SRA1: variants seen among roughly 807,000 people sequenced by gnomAD.
SRA1 encodes the protein lncRNA SRA.
A neutral mutation model predicts 24.3 loss-of-function variants in SRA1; 25 were observed. That is an observed-to-expected ratio of 1.03 (90% confidence interval 0.75 to 1.43). The LOEUF is 1.43. Ranked by LOEUF, SRA1 falls within the 40% of genes most tolerant of loss-of-function variation. The pLI is 0.00. For synonymous variants in SRA1, 104 were observed against 109.5 expected (o/e 0.95, Z 0.31); for missense variants, 303 against 286.6 (o/e 1.06, Z -0.41).
rs1754533924 is a variant in SRA1, at chr5:140,550,866, G to A, written c.509C>T (p.Ser170Phe). 6.2e-7 allele frequency: 1 copy of A among 1,614,078 alleles called. No homozygotes were observed. Reference sequence around the variant, plus strand: ...CTCAGTCACATGGTCAACCATGAGGGAGCGGTGGATGTCATCTGCTGCGTC... The same window carrying A: ...CTCAGTCACATGGTCAACCATGAGGAAGCGGTGGATGTCATCTGCTGCGTC... ...RWDAADDIHRSLMVDHVTEVS... is the reference protein window; with the variant it reads ...RWDAADDIHRFLMVDHVTEVS... Residue 170 changes from serine to phenylalanine, a missense_variant, in exon 5 of 5, where the codon TCC (serine) becomes TTC (phenylalanine). Transcript: ENST00000336283.
chr5:140,552,691 T>G, intron 2 of SRA1, among the ~76,000 whole-genome samples: 1 of 149,684 alleles, frequency 6.7e-6, no homozygotes. Context: ...AAACCAGGCC[T>G]GGGCACAGTG....
chr5:140,554,972 A>G (rs1219712778), intron 2 of SRA1, among the ~76,000 whole-genome samples: 1 of 151,272 alleles, frequency 6.6e-6, no homozygotes, highest in Non-Finnish European at 1.5e-5. Flanking sequence ...TCCACCTCCC[A>G]GGTTCAAATG....
upstream of SRA1, chr5:140,557,788 T>C (rs932532265): frequency 1.6e-4 from 74 of 466,428 alleles, 1 homozygote; most frequent in Non-Finnish European, 2.5e-4. Context: ...CCAGGTTGAC[T>C]TCTACAGCCT....
At chr5:140,553,177 T>A (rs528140078) in intron 2 of SRA1, among the ~76,000 whole-genome samples, 1 of 152,098 alleles carries the variant, frequency 6.6e-6, no homozygotes, top group Admixed American at 6.5e-5. Flanking sequence ...GCAATGAAGA[T>A]TAGGAATACA....
chr5:140,551,420 A>C (rs917888293), intron 3 of SRA1: 6 of 434,138 alleles, frequency 1.4e-5, no homozygotes, highest in Middle Eastern at 1.2e-3. Flanking sequence ...TCATCTTCCC[A>C]CCACCAGTCT....
rs762538914 is a variant in SRA1 at position 140,557,446 on chromosome 5, C to T, written c.7G>A (p.Glu3Lys). Residue 3 changes from glutamate (E) to lysine (K), a missense_variant, in exon 1 of 5, where the codon GAG becomes AAG. By Grantham distance (56) the Glu-to-Lys change is moderately conservative. Transcript: ENST00000336283. Reference protein sequence around the residue: MAELYVKPGNKER... With the variant: MAKLYVKPGNKER... ...CGCTCACCCGGCTTCACGTACAGCT[C>T]CGCCATCTCCACTTCCGCTTGGCCA... 3.2e-6 allele frequency: 5 copies of T among 1,562,310 alleles called. No individual in the cohort carries two copies. The African/African-American group carries it at 4.1e-5, about 13-fold the overall frequency.
intron 2 of SRA1, among the ~76,000 whole-genome samples, chr5:140,554,894 CTT>C (rs898123496): frequency 6.8e-6 from 1 of 146,526 alleles, no homozygotes. Flanking sequence ...CCTTGTCGCT[CTT>C]TTTTTTTTTA....
chr5:140,556,835 AC>A (rs1754716348), intron 2 of SRA1, among the ~76,000 whole-genome samples: 1 of 152,226 alleles, frequency 6.6e-6, no homozygotes, highest in African/African-American at 2.4e-5. Flanking sequence ...ATGCCACTAT[AC>A]GGTTCTGGCA....
chr5:140,557,576 A>G (rs890896571), upstream of SRA1: 173 of 1,205,812 alleles, frequency 1.4e-4, 1 homozygote, highest in Admixed American at 9.9e-4. Context: ...ATGCTGGTTC[A>G]CAACCGTCGG....
At chr5:140,557,585 G>A (rs1008361802), upstream of SRA1, 47 of 1,105,822 alleles carry the variant, frequency 4.3e-5, no homozygotes, top group Non-Finnish European at 5.3e-5. Flanking sequence ...CACAACCGTC[G>A]GGAGCCGCTG....
chr5:140,555,443 G>C (rs1199346272), intron 2 of SRA1, among the ~76,000 whole-genome samples: 1 of 152,040 alleles, frequency 6.6e-6, no homozygotes, highest in Non-Finnish European at 1.5e-5. Context: ...ATGTTGGCCA[G>C]GCTGGTCTTG....
At chr5:140,550,953 G>T (rs777535215) in intron 4 of SRA1, 42 bp from the exon 5 acceptor site, 5 of 1,592,394 alleles carry the variant, frequency 3.1e-6, no homozygotes, top group Non-Finnish European at 4.3e-6. Flanking sequence ...TGTGGTACAA[G>T]AGCTTCCATG....
rs529373357 is a variant in SRA1, at chr5:140,557,167, G to A, written c.131C>T (p.Pro44Leu). ...CGCACCTCTGGGGGATCCATCCTGG[G>A]GTGCGGCGACCCTCTTGGTAAGCAG... ...RSLLTKRVAAPQDGSPRVPAS... is the reference protein window; with the variant it reads ...RSLLTKRVAALQDGSPRVPAS... Residue 44 changes from proline (P) to leucine (L), a missense_variant, in exon 2 of 5, where the codon CCC becomes CTC. Coordinates refer to ENST00000336283, the MANE Select transcript of SRA1 (RefSeq NM_001035235.4). The A allele has an allele frequency of 1.2e-6, 2 of 1,612,806 alleles. No individual in the cohort carries two copies. Among genetic ancestry groups the A allele is most frequent in the East Asian group, 2.2e-5 (1 of 44,834 alleles).
At chr5:140,554,926 T>G (rs1296197236) in intron 2 of SRA1, among the ~76,000 whole-genome samples, 1 of 152,054 alleles carries the variant, frequency 6.6e-6, no homozygotes, top group Non-Finnish European at 1.5e-5. Flanking sequence ...AGTCCCAGGC[T>G]GGAGTGCAAT....
intron 3 of SRA1, chr5:140,551,766 A>G: frequency 2.1e-6 from 1 of 479,022 alleles, no homozygotes; most frequent in South Asian, 3.3e-5. Flanking sequence ...TTGTTCCCAC[A>G]GCATCTTCTA....
chr5:140,550,896 C>G lies in SRA1; in HGVS notation c.479G>C (p.Arg160Pro), dbSNP rs767505589. 1.9e-6 allele frequency: 3 copies of G among 1,613,996 alleles called. No individual in the cohort carries two copies. The African/African-American group carries it at 4.0e-5, about 22-fold the overall frequency. Residue 160 changes from arginine (R) to proline (P), a missense_variant, in exon 5 of 5, where the codon CGG becomes CCG. Physicochemically the swap from Arg to Pro is moderately radical, Grantham distance 103. Transcript: ENST00000336283. ...ALLVQELSSH[R>P]WDAADDIHRS... ...GTGGATGTCATCTGCTGCGTCCCAC[C>G]GGTGGCTTGAAAGCTCTGAAGAGAG...
chr5:140,555,749 C>T, intron 2 of SRA1, among the ~76,000 whole-genome samples: 1 of 151,494 alleles, frequency 6.6e-6, no homozygotes. Context: ...AAAAAACTCC[C>T]CCTCCCCAAA....
chr5:140,555,672 T>G (rs1187941276), intron 2 of SRA1, among the ~76,000 whole-genome samples: 1 of 152,220 alleles, frequency 6.6e-6, no homozygotes, highest in Non-Finnish European at 1.5e-5. Flanking sequence ...TAATGGTGAC[T>G]TATTTCTCTA....
At chr5:140,551,290 C>A in intron 3 of SRA1, 121 bp from the exon 4 acceptor site, 2 of 707,262 alleles carry the variant, frequency 2.8e-6, no homozygotes, top group South Asian at 3.8e-5. Flanking sequence ...AATTCTGGTT[C>A]TTTACCCAAA....
Sources: allele counts gnomAD v4.1 joint callset (sites outside exome capture counted in the v4.1 genomes callset), GRCh38; gene constraint gnomAD v4.1.1; transcripts MANE v1.5; gene names NCBI Gene and HGNC (gene_info 2026-07-23, HGNC 2026-07-21).